The following LRP1B variants were observed in gnomAD, a reference collection of about 807,000 sequenced individuals.
The protein encoded by LRP1B is LDL receptor related protein 1B, also known as low-density lipoprotein receptor-related protein 1B.
A neutral mutation model predicts 556.6 loss-of-function variants in LRP1B; 217 were observed. The observed-to-expected ratio is 0.39, with a 90% CI of 0.35 to 0.44. The LOEUF (loss-of-function observed/expected upper bound fraction) is 0.44. LRP1B is among the 20% of genes least tolerant of loss of function. The pLI is 1.00. For synonymous variants in LRP1B, 2,047 were observed against 1,865.8 expected (o/e 1.10, Z -2.50); for missense variants, 5,053 against 5,620.8 (o/e 0.90, Z 3.23).
At chr2:141,017,293 A>G (rs1233696789) in intron 12 of LRP1B, among the ~76,000 whole-genome samples, 1 of 151,986 alleles carries the variant, frequency 6.6e-6, no homozygotes, top group Non-Finnish European at 1.5e-5. Flanking sequence ...TTTCATCTCT[A>G]TTGATATTTT....
rs554711237 is a variant in LRP1B at position 141,122,852 on chromosome 2, A to C, written c.1014-60579T>G. 2.6e-5 allele frequency among the ~76,000 whole-genome samples: 4 copies of C among 152,312 alleles called. No individual in the cohort carries two copies. The East Asian group carries it at 7.7e-4, about 29-fold the overall frequency. ...ATAGCAAAGACTTGGAACCAACCCAAATGTCCAACAATGATAGACTGGATT... is the reference window on the plus strand; with the variant it reads ...ATAGCAAAGACTTGGAACCAACCCACATGTCCAACAATGATAGACTGGATT... On this transcript the variant is annotated intron_variant, in intron 7 of 90. Coordinates refer to ENST00000389484, the MANE Select transcript of LRP1B (RefSeq NM_018557.3).
At chr2:140,666,844 T>G (rs549977993) in intron 41 of LRP1B, among the ~76,000 whole-genome samples, 99 of 152,210 alleles carry the variant, frequency 6.5e-4, no homozygotes, top group Non-Finnish European at 1.3e-3. Flanking sequence ...AAACTTCCTG[T>G]TCTGCCATCA....
intron 1 of LRP1B, among the ~76,000 whole-genome samples, chr2:141,869,270 A>G (rs540048016): frequency 8.6e-5 from 13 of 152,032 alleles, no homozygotes; most frequent in Non-Finnish European, 1.8e-4. Flanking sequence ...ATATTTTTTA[A>G]TTTTAATTGT....
intron 41 of LRP1B, among the ~76,000 whole-genome samples, chr2:140,681,501 G>A (rs1685858082): frequency 6.6e-6 from 1 of 152,102 alleles, no homozygotes; most frequent in South Asian, 2.1e-4. Context: ...ATGAGTGCAA[G>A]GAATACTATT....
intron 41 of LRP1B, among the ~76,000 whole-genome samples, chr2:140,655,911 C>G (rs1684864247): frequency 2.0e-5 from 3 of 149,724 alleles, no homozygotes; most frequent in Non-Finnish European, 4.4e-5. Flanking sequence ...CCACTGCACT[C>G]CAGCCTGGGA....
At chr2:141,287,664 A>G (rs1287259392) in intron 3 of LRP1B, among the ~76,000 whole-genome samples, 3 of 152,132 alleles carry the variant, frequency 2.0e-5, no homozygotes, top group Non-Finnish European at 4.4e-5. Context: ...TGAAGTTGTC[A>G]TTGATTTCTT....
At chr2:141,969,299 A>G (rs1210922765) in intron 1 of LRP1B, among the ~76,000 whole-genome samples, 1 of 151,552 alleles carries the variant, frequency 6.6e-6, no homozygotes, top group African/African-American at 2.4e-5. Flanking sequence ...ATTTTTAAGT[A>G]CACAGTACAC....
At chr2:141,345,565 C>T (rs1688220569) in intron 3 of LRP1B, among the ~76,000 whole-genome samples, 1 of 151,898 alleles carries the variant, frequency 6.6e-6, no homozygotes, top group Non-Finnish European at 1.5e-5. Context: ...ACATAGCTCA[C>T]TGCAGACTCT....
chr2:140,413,255 A>G (rs1374985041), intron 66 of LRP1B, among the ~76,000 whole-genome samples: 2 of 152,200 alleles, frequency 1.3e-5, no homozygotes, highest in East Asian at 3.8e-4. Context: ...GAAGCCTAAG[A>G]AAAAATAAAG....
intron 2 of LRP1B, among the ~76,000 whole-genome samples, chr2:141,719,476 G>C (rs1380171553): frequency 6.6e-6 from 1 of 152,012 alleles, no homozygotes; most frequent in Admixed American, 6.6e-5. Flanking sequence ...GCTTCTATAA[G>C]CTTCATTTTG....
At chr2:140,985,902 C>A (rs1303714817) in intron 17 of LRP1B, among the ~76,000 whole-genome samples, 2 of 151,752 alleles carry the variant, frequency 1.3e-5, no homozygotes, top group Non-Finnish European at 2.9e-5. Context: ...AATGTATGTA[C>A]TTACATTTGA....
intron 1 of LRP1B, among the ~76,000 whole-genome samples, chr2:142,056,988 T>C (rs112649397): frequency 0.013 from 1,979 of 152,276 alleles, 44 homozygotes; most frequent in African/African-American, 0.045. Flanking sequence ...AACTCAGCAC[T>C]TTCGTATCTC....
At position 141,488,801 on chromosome 2, in the gene LRP1B, T is replaced by C. The variant is rs142222511; in HGVS notation, c.206-8268A>G. The stretch of plus-strand genomic sequence containing the variant: ...CTGTGAAATCTTTCTCCTTATTAAA[T>C]TGAAGATCCTATGATTTCTAAGAAT... On this transcript the variant is annotated intron_variant, in intron 2 of 90. Transcript: ENST00000389484. 5.3e-4 allele frequency among the ~76,000 whole-genome samples: 80 copies of C among 152,194 alleles called. 1 individual carries two copies. In the East Asian group the frequency reaches 0.015, roughly 29 times the overall value.
At chr2:140,689,828 T>C (rs907147711) in intron 41 of LRP1B, among the ~76,000 whole-genome samples, 1 of 152,182 alleles carries the variant, frequency 6.6e-6, no homozygotes, top group Non-Finnish European at 1.5e-5. Context: ...TATAACTCTC[T>C]TTCACACGGA....
chr2:141,540,130 A>T (rs1431010909), intron 2 of LRP1B, among the ~76,000 whole-genome samples: 4 of 152,098 alleles, frequency 2.6e-5, no homozygotes, highest in Admixed American at 2.0e-4. Flanking sequence ...CACATATATT[A>T]TTTCACTTAA....
At chr2:142,017,357 T>A (rs2105168831) in intron 1 of LRP1B, among the ~76,000 whole-genome samples, 1 of 152,288 alleles carries the variant, frequency 6.6e-6, no homozygotes, top group East Asian at 1.9e-4. Context: ...TTGTTATGAA[T>A]GTATTTACGT....
chr2:140,591,223 T>C (rs1259237235), intron 43 of LRP1B, among the ~76,000 whole-genome samples: 1 of 152,212 alleles, frequency 6.6e-6, no homozygotes, highest in African/African-American at 2.4e-5. Flanking sequence ...TCCAGCAGCC[T>C]CTCAGAATTT....
At chr2:141,889,021 G>T (rs544517593) in intron 1 of LRP1B, among the ~76,000 whole-genome samples, 1 of 151,980 alleles carries the variant, frequency 6.6e-6, no homozygotes. Context: ...AGTGTGTTTG[G>T]GGTACCCCAG....
At chr2:140,270,394 T>A in intron 85 of LRP1B, 48 bp from the exon 86 acceptor site, 2 of 1,181,276 alleles carry the variant, frequency 1.7e-6, no homozygotes, top group South Asian at 2.4e-5. Context: ...ATTGGCAACA[T>A]TATTGCTGAA....
Sources: gnomAD v4.1 joint callset for allele counts (sites outside exome capture counted in the v4.1 genomes callset) on GRCh38, gnomAD v4.1.1 for gene constraint, MANE v1.5 for transcripts, NCBI Gene and HGNC (gene_info 2026-07-23, HGNC 2026-07-21) for gene names.